SETDB1: variants seen among roughly 807,000 people sequenced by gnomAD.
SETDB1 encodes the protein SET domain bifurcated histone lysine methyltransferase 1, also known as histone-lysine N-methyltransferase SETDB1.
Under a neutral mutation model 137.4 loss-of-function variants are expected in SETDB1, and 31 were observed. The ratio of observed to expected loss-of-function variants is 0.23; its 90% CI spans 0.17 to 0.30. The LOEUF is 0.30. Ranked by LOEUF, SETDB1 falls within the 10% of genes least tolerant of loss-of-function variation. SETDB1 has a pLI of 1.00. For missense variants in SETDB1, 1,113 were observed against 1,631.5 expected, an observed-to-expected ratio of 0.68 and a Z score of 5.47; for synonymous variants, 548 against 579.9, an observed-to-expected ratio of 0.95 and a Z score of 0.79.
intron 9 of SETDB1, among the ~76,000 whole-genome samples, chr1:150,946,414 C>A (rs1179009995): frequency 6.6e-6 from 1 of 151,848 alleles, no homozygotes; most frequent in Non-Finnish European, 1.5e-5. Flanking sequence ...TGATACCCAT[C>A]ATGGATCCTG....
intron 9 of SETDB1, among the ~76,000 whole-genome samples, chr1:150,946,368 T>TA (rs1308490657): frequency 2.0e-5 from 3 of 152,264 alleles, no homozygotes; most frequent in African/African-American, 7.2e-5. Context: ...TGTAATTCCT[T>TA]AAACAAGGAG....
chr1:150,960,421 G>A, intron 15 of SETDB1, 142 bp from the exon 16 acceptor site: 1 of 671,708 alleles, frequency 1.5e-6, no homozygotes. Context: ...AGGTTGCAGT[G>A]AGCCGAGATC....
chr1:150,945,003 GGTACTGCTCAAGA>G lies in SETDB1; in HGVS notation c.1038_1050del (p.Leu347AlafsTer24). ...TCACTGCCTACCCCAACCGCCCCAT[GGTACTGCTCAAGA>G]GTGGCCAGCTTATCAAGACTGAGTG... On this transcript the variant is annotated frameshift_variant, in exon 9 of 22. Transcript: ENST00000692827. LOFTEE classifies it high-confidence loss of function. 6.2e-7 allele frequency: 1 copy of G among 1,614,114 alleles called. No individual in the cohort carries two copies. The highest frequency in any genetic ancestry group is 8.5e-7 in the Non-Finnish European group (1 of 1,180,010).
chr1:150,949,305 A>C (rs181139459), intron 11 of SETDB1, 27 bp downstream of exon 11: 3 of 1,612,074 alleles, frequency 1.9e-6, no homozygotes, highest in Non-Finnish European at 2.5e-6. Flanking sequence ...CTTTTTCTTC[A>C]GTTTCTTTCA....
At chr1:150,958,889 T>A (rs1287785069) in intron 14 of SETDB1, among the ~76,000 whole-genome samples, 1 of 152,178 alleles carries the variant, frequency 6.6e-6, no homozygotes, top group African/African-American at 2.4e-5. Context: ...TACTTAGCTT[T>A]TCTCCAGGTG....
At chr1:150,934,657 A>G (rs587677659) in intron 3 of SETDB1, among the ~76,000 whole-genome samples, 2 of 152,176 alleles carry the variant, frequency 1.3e-5, no homozygotes, top group South Asian at 4.1e-4. Context: ...AAAAATATGT[A>G]TTTACCCAGA....
chr1:150,959,096 C>A, intron 14 of SETDB1, 82 bp from the exon 15 acceptor site: 1 of 992,796 alleles, frequency 1.0e-6, no homozygotes, highest in Non-Finnish European at 1.4e-6. Context: ...ATGATGATAG[C>A]TTAAGAATTA....
rs587756149 is a variant in SETDB1 at position 150,963,601 on chromosome 1, A to G, written c.3532A>G (p.Ile1178Val). 5 of 1,614,128 alleles carry G rather than the reference A, an allele frequency of 3.1e-6. No individual in the cohort carries two copies. The Admixed American group carries it at 5.0e-5, about 16-fold the overall frequency. ...TCTTAAATCAACCCATGGGATTGCA[A>G]TTAAATCAACCAACATGGCCTCTGT... ...FALKSTHGIA[I>V]KSTNMASVDK... is the part of the protein sequence containing the mutation. The change falls in exon 20 of 22, where the codon ATT (isoleucine) becomes GTT (valine). Residue 1178 changes from isoleucine to valine, a missense_variant. Coordinates refer to ENST00000692827, the MANE Select transcript of SETDB1 (RefSeq NM_001366418.1).
rs61548246 is a variant in SETDB1 at position 150,930,519 on chromosome 1, C to CTTTTTTTTTTTTTTTTTTTTTTTT, written c.412+405_412+428dup. ...CTTTTTGTTGATTCCTTAGGATTTT[C>CTTTTTTTTTTTTTTTTTTTTTTTT]TTTTTTTTTTTTTTTTTTTTTTTTT... On this transcript the variant is annotated intron_variant, in intron 3 of 21. Coordinates refer to ENST00000692827, the MANE Select transcript of SETDB1 (RefSeq NM_001366418.1). 3 of 65,814 alleles carry CTTTTTTTTTTTTTTTTTTTTTTTT rather than the reference C, an allele frequency of 4.6e-5. 1 individual carries two copies. Among genetic ancestry groups the CTTTTTTTTTTTTTTTTTTTTTTTT allele is most frequent in the African/African-American group, 1.3e-4 (2 of 15,058 alleles). The allele number at this position is 65,814 out of a possible 1,614,324, so 4.1% of individuals were successfully genotyped here.
chr1:150,955,909 T>C (rs11590184), intron 14 of SETDB1, among the ~76,000 whole-genome samples: 1 of 149,494 alleles, frequency 6.7e-6, no homozygotes, highest in Non-Finnish European at 1.5e-5. Flanking sequence ...GCCAACATGG[T>C]GAAACCCTGT....
At chr1:150,949,546 C>G (rs765005627) in intron 12 of SETDB1, 21 bp downstream of exon 12, 1 of 1,612,114 alleles carries the variant, frequency 6.2e-7, no homozygotes, top group Non-Finnish European at 8.5e-7. Context: ...CTGAGGCTCT[C>G]TGTAGGCAGG....
rs199765291 is a variant in SETDB1 at position 150,950,914 on chromosome 1, T to C, written c.2040T>C (p.Ile680=). The C allele has an allele frequency of 1.8e-5, 29 of 1,613,972 alleles. No homozygotes were observed. The highest frequency in any genetic ancestry group is 2.5e-5 in the Non-Finnish European group (29 of 1,180,016). The change falls in exon 13 of 22, where the codon ATT becomes ATC. Residue 680 remains isoleucine, a synonymous_variant. Transcript: ENST00000692827. ...KFQPYKPFYY[I]LDITYGKEDV... is the part of the protein sequence containing the mutation. ...AGCCCTATAAGCCTTTTTACTATAT[T>C]TTGGACATCACTTATGGGAAGGAAG...
chr1:150,959,480 A>G (rs1449503964), intron 15 of SETDB1, 133 bp downstream of exon 15: 11 of 713,936 alleles, frequency 1.5e-5, no homozygotes, highest in Non-Finnish European at 2.4e-5. Context: ...GACTTCTACA[A>G]AGAACGTGAT....
At position 150,949,000 on chromosome 1, in the gene SETDB1, A is replaced by G. The variant is rs930582805; in HGVS notation, c.1268-122A>G. On this transcript the variant is annotated intron_variant, in intron 10 of 21. Coordinates refer to ENST00000692827, the MANE Select transcript of SETDB1 (RefSeq NM_001366418.1). ...TCCCAAACTGCTGGGATTACAGGCAAGAGCCACTGCGCCCAGCCATTGCTT... is the reference window on the plus strand; with the variant it reads ...TCCCAAACTGCTGGGATTACAGGCAGGAGCCACTGCGCCCAGCCATTGCTT... 9 of 1,013,266 alleles carry G rather than the reference A, an allele frequency of 8.9e-6. No homozygotes were observed. In the Admixed American group the frequency reaches 1.2e-4, roughly 13 times the overall value. The allele number at this position is 1,013,266 out of a possible 1,614,324, so 62.8% of individuals were successfully genotyped here. A position where few individuals can be genotyped will look rare whatever the true frequency, so the allele number is the denominator to read the frequency against.
chr1:150,961,007 C>A lies in SETDB1; in HGVS notation c.2948C>A (p.Ala983Asp), dbSNP rs1157344224. 1 of 1,613,982 alleles carries A rather than the reference C, an allele frequency of 6.2e-7. No individual in the cohort carries two copies. Among genetic ancestry groups the A allele is most frequent in the East Asian group, 2.2e-5 (1 of 44,874 alleles). The change falls in exon 16 of 22, where the codon GCC becomes GAC. Residue 983 changes from alanine to aspartate, a missense_variant. Physicochemically the swap from Ala to Asp is moderately radical, Grantham distance 126 (BLOSUM62 -2). Around this residue, in one of 11 missense-constraint regions of SETDB1, gnomAD observed 373 missense variants for 412.7 expected, o/e 0.90. Coordinates refer to ENST00000692827, the MANE Select transcript of SETDB1 (RefSeq NM_001366418.1). The part of the protein sequence containing the change: ...SSEETPKNKV[A>D]SWLSCNSVSE... ...GAAGAGACACCCAAGAACAAGGTGG[C>A]CTCATGGTTGAGCTGCAATAGTGTC...
At chr1:150,952,899 CA>C (rs968079384) in intron 14 of SETDB1, among the ~76,000 whole-genome samples, 1 of 151,778 alleles carries the variant, frequency 6.6e-6, no homozygotes, top group Non-Finnish European at 1.5e-5. Flanking sequence ...GAAAACAAAA[CA>C]AAACAAAAAG....
intron 14 of SETDB1, among the ~76,000 whole-genome samples, chr1:150,952,014 G>A (rs983642249): frequency 1.3e-5 from 2 of 152,090 alleles, no homozygotes; most frequent in Admixed American, 1.3e-4. Context: ...CGGGGGTGGT[G>A]GCGGGTGCCT....
rs1558017157 is a variant in SETDB1 at position 150,942,898 on chromosome 1, T to G, written c.720T>G (p.Ser240Arg). Residue 240 changes from serine to arginine, a missense_variant, in exon 7 of 22, where the codon AGT (serine) becomes AGG (arginine). Ser to Arg is a moderately radical substitution (Grantham distance 110, BLOSUM62 -1). Around this residue, in one of 11 missense-constraint regions of SETDB1, gnomAD observed 154 missense variants for 303.1 expected, o/e 0.51. Coordinates refer to ENST00000692827, the MANE Select transcript of SETDB1 (RefSeq NM_001366418.1). ...YKVKFDNKGK[S>R]LLSGNHIAYD... ...TGAAATTTGACAACAAAGGAAAGAG[T>G]CTACTGTCGGGGAACCATATTGCCT... 1 of 1,613,850 alleles carries G rather than the reference T, an allele frequency of 6.2e-7. No homozygotes were observed. Among genetic ancestry groups the G allele is most frequent in the Non-Finnish European group, 8.5e-7 (1 of 1,179,950 alleles).
At chr1:150,943,807 G>T (rs1670235595) in intron 7 of SETDB1, 113 bp from the exon 8 acceptor site, 1 of 677,424 alleles carries the variant, frequency 1.5e-6, no homozygotes, top group Admixed American at 2.5e-5. Context: ...TGTCTTCCCT[G>T]GAGTGCATCG....
Sources: allele counts gnomAD v4.1 joint callset (sites outside exome capture counted in the v4.1 genomes callset), GRCh38; gene constraint gnomAD v4.1.1; regional missense constraint gnomAD v4.1.1; transcripts MANE v1.5; gene names NCBI Gene and HGNC (gene_info 2026-07-23, HGNC 2026-07-21).